Variants in IL31RA observed in about 807,000 individuals in gnomAD.
IL31RA encodes the protein interleukin 31 receptor A.
A neutral mutation model predicts 83.7 loss-of-function variants in IL31RA; 66 were observed. That is an observed-to-expected ratio of 0.79 (90% CI 0.65 to 0.97). The LOEUF (loss-of-function observed/expected upper bound fraction) is 0.97, where lower values mean the gene tolerates loss of function less well. IL31RA is among the 50% of genes least tolerant of loss of function. The pLI is 0.00. For synonymous variants in IL31RA, 325 were observed against 329.0 expected, an observed-to-expected ratio of 0.99 and a Z score of 0.13; for missense variants, 798 against 919.4, an observed-to-expected ratio of 0.87 and a Z score of 1.71.
At chr5:55,894,466 T>C (rs745856323) in intron 6 of IL31RA, among the ~76,000 whole-genome samples, 5 of 152,192 alleles carry the variant, frequency 3.3e-5, no homozygotes, top group Non-Finnish European at 7.4e-5. Context: ...TCAGTGGGAT[T>C]CAGATGAAAT....
intron 4 of IL31RA, 66 bp downstream of exon 4, chr5:55,872,517 G>A: frequency 2.6e-6 from 3 of 1,165,016 alleles, no homozygotes; most frequent in Middle Eastern, 2.8e-4. Flanking sequence ...TGTTCAAGAG[G>A]TATCTGTGGA....
rs181062262 is a variant in IL31RA, at chr5:55,921,461, G to T, written c.*4341G>T. ...GTCCTCCTAGTATAGAGTGCAATGC[G>T]ATAAACATTTATCTTTTCTTACCTT... On this transcript the variant is annotated 3_prime_UTR_variant, in exon 15 of 15. Coordinates refer to ENST00000652347, the MANE Select transcript of IL31RA (RefSeq NM_139017.7). Among the ~76,000 whole-genome samples, 256 of 152,314 alleles carry T rather than the reference G, an allele frequency of 1.7e-3. No individual in the cohort carries two copies. The highest frequency in any genetic ancestry group is 3.4e-3 in the Middle Eastern group (1 of 294).
intron 7 of IL31RA, among the ~76,000 whole-genome samples, chr5:55,897,983 T>A (rs1173010735): frequency 6.6e-6 from 1 of 152,088 alleles, no homozygotes; most frequent in African/African-American, 2.4e-5. Context: ...TCCCGCACCA[T>A]CGCCCACTCC....
At chr5:55,856,850 C>T (rs1745393376) in intron 1 of IL31RA, among the ~76,000 whole-genome samples, 1 of 152,108 alleles carries the variant, frequency 6.6e-6, no homozygotes, top group Non-Finnish European at 1.5e-5. Context: ...TCTAAGGTGA[C>T]CTCTCCTTTC....
Position 55,903,622 on chromosome 5 carries a change from AC to A in IL31RA, c.1070-2481del, listed in dbSNP as rs1748958843. On this transcript the variant is annotated intron_variant, in intron 8 of 14. Transcript: ENST00000652347. This position sits in a 1 kb window ranked among gnomAD's most constrained non-coding sequence, Gnocchi z 4.7. ...CTCTGCAGTGCACTTGGCGCTTTAG[AC>A]CCGGATCTCCCTGCTCCTCAGAGCT... Among the ~76,000 whole-genome samples the A allele has an allele frequency of 6.6e-6, 1 of 152,076 alleles. No homozygotes were observed.
intron 5 of IL31RA, 42 bp from the exon 6 acceptor site, chr5:55,889,928 G>A (rs778126439): frequency 4.4e-6 from 7 of 1,585,512 alleles, no homozygotes; most frequent in Non-Finnish European, 6.1e-6. Flanking sequence ...GGAGGATAAC[G>A]TGTGGTCTCC....
Position 55,920,102 on chromosome 5 carries a change from T to G in IL31RA, c.*2982T>G, listed in dbSNP as rs1040323053. On this transcript the variant is annotated 3_prime_UTR_variant, in exon 15 of 15. Coordinates refer to ENST00000652347, the MANE Select transcript of IL31RA (RefSeq NM_139017.7). ...GTGGCTTAAATAAAAAGACCACAAG[T>G]TCCTTCTGGTGTCTTGGGAGGCAGC... Among the ~76,000 whole-genome samples the G allele has an allele frequency of 6.6e-6, 1 of 152,182 alleles. No individual in the cohort carries two copies. Among genetic ancestry groups the G allele is most frequent in the African/African-American group, 2.4e-5 (1 of 41,438 alleles).
chr5:55,889,778 T>C (rs1187567492), intron 5 of IL31RA, among the ~76,000 whole-genome samples, 192 bp from the exon 6 acceptor site: 2 of 152,228 alleles, frequency 1.3e-5, no homozygotes, highest in Non-Finnish European at 2.9e-5. Flanking sequence ...TTCATGGGGA[T>C]GTTCATATCT....
chr5:55,886,268 C>CTTTTTTTTTTTTTT (rs35481013), intron 5 of IL31RA, among the ~76,000 whole-genome samples: 1 of 71,512 alleles, frequency 1.4e-5, no homozygotes, highest in Non-Finnish European at 2.4e-5. Flanking sequence ...TGCTTGCTTG[C>CTTTTTTTTTTTTTT]TTTTTTTTTT....
At chr5:55,863,604 C>T (rs2112324973) in intron 2 of IL31RA, among the ~76,000 whole-genome samples, 1 of 152,378 alleles carries the variant, frequency 6.6e-6, no homozygotes, top group South Asian at 2.1e-4. Context: ...TATTGGTGAG[C>T]ATTCATTTTA....
At chr5:55,879,519 G>A (rs1326363012) in intron 4 of IL31RA, among the ~76,000 whole-genome samples, 9 of 128,148 alleles carry the variant, frequency 7.0e-5, no homozygotes, top group Admixed American at 9.3e-5. Context: ...TGCAACCTCC[G>A]CCTCCCAGGT....
At chr5:55,865,466 A>G (rs1745997695) in intron 2 of IL31RA, among the ~76,000 whole-genome samples, 1 of 152,120 alleles carries the variant, frequency 6.6e-6, no homozygotes, top group African/African-American at 2.4e-5. Context: ...CATGTAGACA[A>G]TGCTCAGTTC....
chr5:55,866,981 C>G (rs1442538875), intron 2 of IL31RA, among the ~76,000 whole-genome samples: 1 of 94,918 alleles, frequency 1.1e-5, no homozygotes, highest in Non-Finnish European at 2.8e-5. Context: ...CTTCTTAAGA[C>G]TATGATCTTT....
intron 2 of IL31RA, among the ~76,000 whole-genome samples, chr5:55,863,477 G>A (rs902548264): frequency 6.6e-6 from 1 of 152,238 alleles, no homozygotes; most frequent in South Asian, 2.1e-4. Context: ...TTTTCAAGGC[G>A]TGCAGTAACA....
At chr5:55,912,729 G>A (rs13183319) in intron 12 of IL31RA, among the ~76,000 whole-genome samples, 34,138 of 152,056 alleles carry the variant, frequency 0.22, 4,743 homozygotes, top group East Asian at 0.48. Flanking sequence ...CCCAGGAGGC[G>A]GAGGTTGCAG....
intron 2 of IL31RA, among the ~76,000 whole-genome samples, chr5:55,868,342 C>A (rs747964593): frequency 1.3e-4 from 20 of 152,152 alleles, no homozygotes; most frequent in Admixed American, 3.3e-4. Flanking sequence ...TCATAAATTT[C>A]TCTATTGTAC....
At chr5:55,861,645 T>G (rs1353150512) in intron 2 of IL31RA, among the ~76,000 whole-genome samples, 1 of 152,208 alleles carries the variant, frequency 6.6e-6, no homozygotes, top group African/African-American at 2.4e-5. Context: ...CAGGCAGGAC[T>G]ATTGCTCTCC....
intron 1 of IL31RA, among the ~76,000 whole-genome samples, chr5:55,855,642 G>A (rs759120580): frequency 8.1e-4 from 123 of 152,266 alleles, no homozygotes; most frequent in Non-Finnish European, 1.5e-3. Flanking sequence ...GATTGCGTGG[G>A]AGTAAAACAG....
rs1745063331 is a variant in IL31RA, at chr5:55,851,463, A to G, written c.-108A>G. 1.2e-6 allele frequency: 2 copies of G among 1,605,922 alleles called. No individual in the cohort carries two copies. Among genetic ancestry groups the G allele is most frequent in the Admixed American group, 3.4e-5 (2 of 59,446 alleles). The stretch of plus-strand genomic sequence containing the variant: ...AAAAGGCAAAAAATTGCAAAAAAAA[A>G]TAGTAATAACCAGCATGGCACTAAA... On this transcript the variant is annotated 5_prime_UTR_variant, in exon 1 of 15. Transcript: ENST00000652347.
Sources: allele counts gnomAD v4.1 joint callset (sites outside exome capture counted in the v4.1 genomes callset), GRCh38; gene constraint gnomAD v4.1.1; non-coding constraint Gnocchi (gnomAD v3.1); transcripts MANE v1.5; gene names NCBI Gene and HGNC (gene_info 2026-07-23, HGNC 2026-07-21).